The following NIPBL variants were observed in gnomAD, a reference collection of about 807,000 sequenced individuals.
NIPBL encodes the protein nipped-B-like protein.
A neutral mutation model predicts 321.8 loss-of-function variants in NIPBL; 19 were observed. The ratio of observed to expected loss-of-function variants is 0.06; its 90% CI spans 0.04 to 0.09. The LOEUF is 0.09. NIPBL is among the 10% of genes least tolerant of loss of function. NIPBL has a pLI of 1.00. For synonymous variants in NIPBL, 1,106 were observed against 1,114.1 expected (o/e 0.99, Z 0.14); for missense variants, 2,210 against 3,327.0 (o/e 0.66, Z 8.26).
intron 1 of NIPBL, among the ~76,000 whole-genome samples, chr5:36,911,554 ATG>A (rs1327682587): frequency 2.6e-5 from 4 of 151,972 alleles, no homozygotes; most frequent in Admixed American, 2.6e-4. Flanking sequence ...ACTATAAATT[ATG>A]TGTGTGCTTA....
At chr5:36,952,060 GC>G (rs1397881855) in intron 1 of NIPBL, among the ~76,000 whole-genome samples, 2 of 113,174 alleles carry the variant, frequency 1.8e-5, no homozygotes, top group East Asian at 4.5e-4. Flanking sequence ...GTGTGCGCGC[GC>G]GCGCGCGCGC....
chr5:36,982,075 G>A (rs1453115792), intron 9 of NIPBL: 1 of 229,638 alleles, frequency 4.4e-6, no homozygotes, highest in Admixed American at 6.6e-5. Flanking sequence ...ATTTCTGTAA[G>A]GGCTGCATCT....
chr5:37,057,194 C>T lies in NIPBL; in HGVS notation c.7272C>T (p.Asp2424=), dbSNP rs113988530. The part of the protein sequence containing the change: ...LNLFDDTAKT[D]VTMLLYIADN... The stretch of plus-strand genomic sequence containing the variant: ...TTTCTTAAAATTTACAGAAAACAGA[C>T]GTGACTATGCTCTTGTATATAGCAG... The change falls in exon 43 of 47, where the codon GAC becomes GAT. Residue 2424 remains aspartate (D), a synonymous_variant. Transcript: ENST00000282516. 13 of 1,613,536 alleles carry T rather than the reference C, an allele frequency of 8.1e-6. No homozygotes were observed. Among genetic ancestry groups the T allele is most frequent in the South Asian group, 5.5e-5 (5 of 91,076 alleles).
chr5:36,958,318 C>T lies in NIPBL; in HGVS notation c.358+87C>T, dbSNP rs556902905. ...TGTCTTCTTTAACAAGCTGGCCTAT[C>T]AGGAATGCGATGTTTATGCCTTCAG... On this transcript the variant is annotated intron_variant, in intron 4 of 46. Transcript: ENST00000282516. 3.0e-6 allele frequency: 4 copies of T among 1,347,314 alleles called. No individual in the cohort carries two copies. The East Asian group carries it at 9.5e-5, about 32-fold the overall frequency. The allele number at this position is 1,347,314 out of a possible 1,614,324, so 83.5% of individuals were successfully genotyped here. A position where few individuals can be genotyped will look rare whatever the true frequency, so the allele number is the denominator to read the frequency against.
intron 46 of NIPBL, 66 bp downstream of exon 46, chr5:37,064,044 A>G (rs1422269238): frequency 1.3e-6 from 2 of 1,578,442 alleles, no homozygotes; most frequent in Non-Finnish European, 1.7e-6. Flanking sequence ...ATGTGCTTAT[A>G]TATGTCAGTC....
At chr5:37,033,309 C>G (rs1441078191) in intron 32 of NIPBL, among the ~76,000 whole-genome samples, 1 of 151,988 alleles carries the variant, frequency 6.6e-6, no homozygotes, top group Non-Finnish European at 1.5e-5. Context: ...TAACTAATTT[C>G]TGAAAAAAGC....
chr5:37,003,856 C>T (rs977723812), intron 16 of NIPBL, among the ~76,000 whole-genome samples: 7 of 152,118 alleles, frequency 4.6e-5, no homozygotes, highest in African/African-American at 1.4e-4. Flanking sequence ...ATAATAAAGA[C>T]ATGAAAATGT....
chr5:36,958,039 T>C (rs1396829592), intron 3 of NIPBL, 65 bp from the exon 4 acceptor site: 2 of 1,533,458 alleles, frequency 1.3e-6, no homozygotes, highest in African/African-American at 2.7e-5. Flanking sequence ...TTTACTTTTA[T>C]ATGATAAGTC....
chr5:36,905,287 A>G (rs888927753), intron 1 of NIPBL, among the ~76,000 whole-genome samples: 2 of 152,114 alleles, frequency 1.3e-5, no homozygotes, highest in Admixed American at 6.5e-5. Flanking sequence ...ATCTCTTCCT[A>G]TGTATTTCTC....
At chr5:36,895,917 C>CT (rs1270165113) in intron 1 of NIPBL, among the ~76,000 whole-genome samples, 9 of 152,146 alleles carry the variant, frequency 5.9e-5, no homozygotes, top group African/African-American at 2.2e-4. Flanking sequence ...TGTCTTTTCA[C>CT]TTTCTTGATA....
In NIPBL at chr5:37,057,201, A is replaced by G. The variant is rs570181446; in HGVS notation, c.7279A>G (p.Met2427Val). The change falls in exon 43 of 47, where the codon ATG becomes GTG. Residue 2427 changes from methionine to valine, a missense_variant. Physicochemically the swap from Met to Val is conservative, Grantham distance 21. Around this residue, in one of 14 missense-constraint regions of NIPBL, gnomAD observed 112 missense variants for 288.3 expected, o/e 0.39. Transcript: ENST00000282516. ...AAATTTACAGAAAACAGACGTGACT[A>G]TGCTCTTGTATATAGCAGACAATCT... is the stretch of plus-strand genomic sequence containing the variant. Reference protein sequence around the residue: ...FDDTAKTDVTMLLYIADNLAC... With the variant: ...FDDTAKTDVTVLLYIADNLAC... 16 of 1,613,728 alleles carry G rather than the reference A, an allele frequency of 9.9e-6. No homozygotes were observed. Among genetic ancestry groups the G allele is most frequent in the South Asian group, 7.7e-5 (7 of 91,082 alleles).
At chr5:36,951,995 G>A (rs1253745498) in intron 1 of NIPBL, among the ~76,000 whole-genome samples, 1 of 138,512 alleles carries the variant, frequency 7.2e-6, no homozygotes, top group Non-Finnish European at 1.5e-5. Context: ...TTCTATGGAT[G>A]CTTACTTTAT....
intron 32 of NIPBL, among the ~76,000 whole-genome samples, chr5:37,035,417 T>C (rs1256238480): frequency 6.6e-6 from 1 of 152,220 alleles, no homozygotes; most frequent in Non-Finnish European, 1.5e-5. Context: ...AAAGGGGCAG[T>C]GTGTGTGTTA....
At chr5:36,917,385 T>A (rs567799324) in intron 1 of NIPBL, among the ~76,000 whole-genome samples, 1 of 152,164 alleles carries the variant, frequency 6.6e-6, no homozygotes, top group African/African-American at 2.4e-5. Context: ...ATTCTGGATA[T>A]TAGCCCTTTG....
chr5:36,879,315 T>A (rs1745336740), intron 1 of NIPBL, among the ~76,000 whole-genome samples: 1 of 152,220 alleles, frequency 6.6e-6, no homozygotes, highest in South Asian at 2.1e-4. Flanking sequence ...ACTTTGGAAT[T>A]GTTATAGTGA....
At chr5:37,036,330 T>G in intron 32 of NIPBL, 49 bp from the exon 33 acceptor site, 1 of 460,086 alleles carries the variant, frequency 2.2e-6, no homozygotes, top group Non-Finnish European at 3.2e-6. Context: ...TTTTTTTTCT[T>G]TTTTGTATAT....
intron 1 of NIPBL, among the ~76,000 whole-genome samples, chr5:36,949,342 T>C (rs1740022860): frequency 6.6e-6 from 1 of 151,870 alleles, no homozygotes; most frequent in South Asian, 2.1e-4. Flanking sequence ...CTAATAATAT[T>C]GTTATACATT....
chr5:36,939,131 T>G (rs144005148), intron 1 of NIPBL, among the ~76,000 whole-genome samples: 1 of 152,124 alleles, frequency 6.6e-6, no homozygotes, highest in Non-Finnish European at 1.5e-5. Context: ...GCCTCCCAAA[T>G]AGCTGGGACT....
At chr5:36,921,905 G>A (rs1368799168) in intron 1 of NIPBL, among the ~76,000 whole-genome samples, 8 of 105,732 alleles carry the variant, frequency 7.6e-5, no homozygotes, top group Non-Finnish European at 5.8e-5. Context: ...TTTTTTTTTT[G>A]AAACGAAGTC....
Sources: gnomAD v4.1 joint callset for allele counts (sites outside exome capture counted in the v4.1 genomes callset) on GRCh38, gnomAD v4.1.1 for gene constraint, gnomAD v4.1.1 regional missense constraint, MANE v1.5 for transcripts, NCBI Gene and HGNC (gene_info 2026-07-23, HGNC 2026-07-21) for gene names.